The following ZNF385D variants were observed in gnomAD, a reference collection of about 807,000 sequenced individuals.
ZNF385D encodes zinc finger protein 659.
In ZNF385D, 15 loss-of-function variants were observed where a neutral mutation model predicts 35.8. The observed-to-expected ratio is 0.42, with a 90% CI of 0.28 to 0.64. The LOEUF (loss-of-function observed/expected upper bound fraction) is 0.64. ZNF385D is among the 30% of genes least tolerant of loss of function. The pLI is 0.23. For synonymous variants in ZNF385D, 212 were observed against 186.8 expected (o/e 1.13, Z -1.10); for missense variants, 474 against 494.6 (o/e 0.96, Z 0.39).
intron 4 of ZNF385D, among the ~76,000 whole-genome samples, chr3:21,484,489 G>A (rs914099979): frequency 1.3e-5 from 2 of 152,126 alleles, no homozygotes; most frequent in African/African-American, 2.4e-5. Context: ...TTCCTCCTGC[G>A]ATGTCTCTCC....
intron 2 of ZNF385D, among the ~76,000 whole-genome samples, chr3:22,312,400 T>G (rs896205533): frequency 6.6e-6 from 1 of 152,104 alleles, no homozygotes; most frequent in African/African-American, 2.4e-5. Context: ...AAGATGTAGA[T>G]ATAACATTTT....
intron 2 of ZNF385D, among the ~76,000 whole-genome samples, chr3:22,267,630 T>C (rs1428873563): frequency 6.6e-6 from 1 of 151,896 alleles, no homozygotes; most frequent in Non-Finnish European, 1.5e-5. Context: ...TAAAACACCA[T>C]TATTTTAATT....
At chr3:21,586,943 A>ATTT (rs2063829038) in intron 2 of ZNF385D, among the ~76,000 whole-genome samples, 1 of 152,232 alleles carries the variant, frequency 6.6e-6, no homozygotes, top group Non-Finnish European at 1.5e-5. Flanking sequence ...GAAGACTTCA[A>ATTT]ATGAGTGATA....
chr3:21,840,019 G>T (rs894898322), intron 3 of ZNF385D, among the ~76,000 whole-genome samples: 3 of 151,948 alleles, frequency 2.0e-5, no homozygotes, highest in Non-Finnish European at 4.4e-5. Flanking sequence ...ATTTTTCAAC[G>T]TTTTTGGGTG....
chr3:21,936,866 A>G (rs1027463252), intron 3 of ZNF385D, among the ~76,000 whole-genome samples: 6 of 152,186 alleles, frequency 3.9e-5, no homozygotes, highest in Non-Finnish European at 7.4e-5. Flanking sequence ...ATTAGAAATT[A>G]AAGGTTAGGA....
At chr3:22,004,672 G>A (rs1400141327) in intron 3 of ZNF385D, among the ~76,000 whole-genome samples, 1 of 152,054 alleles carries the variant, frequency 6.6e-6, no homozygotes, top group African/African-American at 2.4e-5. Context: ...TGTGGACAAA[G>A]GACAGACAGA....
At chr3:22,206,810 C>T (rs1022611298) in intron 2 of ZNF385D, among the ~76,000 whole-genome samples, 4 of 151,748 alleles carry the variant, frequency 2.6e-5, no homozygotes, top group Admixed American at 2.6e-4. Context: ...ATGCCAACAT[C>T]AGAAAAGCAG....
chr3:22,207,895 G>C (rs968223330), intron 2 of ZNF385D, among the ~76,000 whole-genome samples: 1 of 151,870 alleles, frequency 6.6e-6, no homozygotes, highest in African/African-American at 2.4e-5. Flanking sequence ...CCTCACCCTA[G>C]TCAAAATAGC....
rs550103784 is a variant in ZNF385D at position 21,441,899 on chromosome 3, T to A, written c.440-4696A>T. 3.3e-5 allele frequency among the ~76,000 whole-genome samples: 5 copies of A among 152,164 alleles called. No individual in the cohort carries two copies. The South Asian group carries it at 1.0e-3, about 32-fold the overall frequency. On this transcript the variant is annotated intron_variant, in intron 4 of 7. Transcript: ENST00000281523. Reference sequence around the variant, plus strand: ...GTGAAATTCAGTGAGAAGAGAAAGATTTGAGATGGTTTGGGCTTGCATTTC... The same window carrying A: ...GTGAAATTCAGTGAGAAGAGAAAGAATTGAGATGGTTTGGGCTTGCATTTC...
At chr3:21,998,072 C>T (rs1695596031) in intron 3 of ZNF385D, among the ~76,000 whole-genome samples, 1 of 151,956 alleles carries the variant, frequency 6.6e-6, no homozygotes, top group African/African-American at 2.4e-5. Flanking sequence ...TGCTATATGC[C>T]ACTCCCACCA....
chr3:22,176,897 T>C (rs1012396329), intron 2 of ZNF385D, among the ~76,000 whole-genome samples: 7 of 152,222 alleles, frequency 4.6e-5, no homozygotes, highest in African/African-American at 1.7e-4. Context: ...TACTACTATA[T>C]AAATAATAGA....
intron 2 of ZNF385D, among the ~76,000 whole-genome samples, chr3:22,361,807 T>C (rs73822155): frequency 2.2e-4 from 34 of 152,076 alleles, no homozygotes; most frequent in African/African-American, 7.7e-4. Context: ...TGACCTTTCT[T>C]AGTTTTGCTT....
intron 2 of ZNF385D, among the ~76,000 whole-genome samples, chr3:22,344,177 GGTGTGTGTGTGT>G (rs571896117): frequency 1.4e-5 from 2 of 140,756 alleles, no homozygotes; most frequent in Admixed American, 1.4e-4. Context: ...GGTGGGGTGG[GGTGTGTGTGTGT>G]GTGTGTGTGT....
chr3:21,567,307 A>G (rs1248728734), intron 2 of ZNF385D, among the ~76,000 whole-genome samples: 1 of 152,198 alleles, frequency 6.6e-6, no homozygotes, highest in African/African-American at 2.4e-5. Context: ...GAAGGGCCAC[A>G]GGACATAGTA....
chr3:22,104,803 C>A (rs1169142790), intron 3 of ZNF385D, among the ~76,000 whole-genome samples: 3 of 152,098 alleles, frequency 2.0e-5, no homozygotes, highest in African/African-American at 7.2e-5. Context: ...AAGTATACTA[C>A]CTGAAAGTCC....
chr3:22,037,261 G>C (rs1243325986), intron 3 of ZNF385D, among the ~76,000 whole-genome samples: 2 of 135,616 alleles, frequency 1.5e-5, no homozygotes, highest in African/African-American at 5.1e-5. Flanking sequence ...GGTATTTCTA[G>C]TTCTAGATCC....
chr3:21,874,482 G>A (rs922925552), intron 3 of ZNF385D, among the ~76,000 whole-genome samples: 6 of 151,816 alleles, frequency 4.0e-5, no homozygotes, highest in African/African-American at 1.5e-4. Context: ...TGCTTTACTT[G>A]GTATGCAAAA....
intron 3 of ZNF385D, among the ~76,000 whole-genome samples, chr3:21,943,831 GA>G (rs1316179589): frequency 2.6e-5 from 4 of 152,160 alleles, no homozygotes; most frequent in African/African-American, 9.7e-5. Flanking sequence ...TGAAAACACT[GA>G]TGCATTTTGT....
rs189423213 is a variant in ZNF385D at position 21,887,117 on chromosome 3, G to A, written c.326-222089C>T. ...AGATAAAAGGTCCCTTCTTGAAGGAGAATCACCTACAAATTTTACCTTTGA... is the reference window on the plus strand; with the variant it reads ...AGATAAAAGGTCCCTTCTTGAAGGAAAATCACCTACAAATTTTACCTTTGA... On this transcript the variant is annotated intron_variant, in intron 3 of 5. Transcript: ENST00000494108. Among the ~76,000 whole-genome samples the A allele has an allele frequency of 6.8e-3, 1,037 of 152,222 alleles. 10 individuals carry two copies. Among genetic ancestry groups the A allele is most frequent in the Non-Finnish European group, 9.7e-3 (661 of 68,012 alleles).
Sources: gnomAD v4.1 joint callset for allele counts (sites outside exome capture counted in the v4.1 genomes callset) on GRCh38, gnomAD v4.1.1 for gene constraint, MANE v1.5 for transcripts, NCBI Gene and HGNC (gene_info 2026-07-23, HGNC 2026-07-21) for gene names.